NRDE2: variants seen among roughly 807,000 people sequenced by gnomAD.
The protein encoded by NRDE2 is nuclear exosome regulator NRDE2.
NRDE2 carries 76 observed loss-of-function variants against 124.2 expected under a neutral mutation model. The observed-to-expected ratio is 0.61, with a 90% CI of 0.51 to 0.74. The LOEUF is 0.74. NRDE2 is among the 30% of genes least tolerant of loss of function. The probability of loss-of-function intolerance (pLI) is 0.00; values close to 1 mark genes in which losing one functional copy is unlikely to be tolerated. For missense variants in NRDE2, 1,314 were observed against 1,417.3 expected (o/e 0.93, Z 1.17); for synonymous variants, 489 against 528.1 (o/e 0.93, Z 1.01).
rs146520246 is a variant in NRDE2 at position 90,284,404 on chromosome 14, A to G, written c.3297+1950T>C. On this transcript the variant is annotated intron_variant, in intron 12 of 13. Coordinates refer to ENST00000354366, the MANE Select transcript of NRDE2 (RefSeq NM_017970.4). ...CACTCTGTTAACCAGGCAGGAGTGC[A>G]GTGGTGCGATCTCAGCTCACTGCAA... is the stretch of plus-strand genomic sequence containing the variant. 6.6e-3 allele frequency among the ~76,000 whole-genome samples: 984 copies of G among 148,128 alleles called. 4 individuals are homozygous for G. Among genetic ancestry groups the G allele is most frequent in the African/African-American group, 0.024 (950 of 39,940 alleles).
chr14:90,329,835 CAAAAAAAAAAAA>C (rs1173430522), intron 1 of NRDE2, among the ~76,000 whole-genome samples: 1 of 56,146 alleles, frequency 1.8e-5, no homozygotes, highest in African/African-American at 6.6e-5. Flanking sequence ...GAGACTGCCT[CAAAAAAAAAAAA>C]AAAAAAAGTA....
chr14:90,327,641 C>T (rs1481787577), intron 1 of NRDE2, among the ~76,000 whole-genome samples: 1 of 151,940 alleles, frequency 6.6e-6, no homozygotes, highest in Non-Finnish European at 1.5e-5. Flanking sequence ...AAAAACTTCA[C>T]ACCTCACTGG....
chr14:90,296,394 G>A (rs1884148188), intron 8 of NRDE2, among the ~76,000 whole-genome samples: 1 of 152,034 alleles, frequency 6.6e-6, no homozygotes, highest in Non-Finnish European at 1.5e-5. Flanking sequence ...TTTTGGAAAA[G>A]AACACTCCAG....
intron 11 of NRDE2, among the ~76,000 whole-genome samples, chr14:90,287,122 G>C: frequency 7.2e-6 from 1 of 138,590 alleles, no homozygotes; most frequent in East Asian, 2.2e-4. Flanking sequence ...AGGAAGAAAA[G>C]ACCTTTTGAT....
At position 90,268,738 on chromosome 14, in the gene NRDE2, A is replaced by C. The variant is rs1021289632; in HGVS notation, c.*9598T>G. The C allele has an allele frequency of 8.5e-5, 20 of 235,498 alleles. No homozygotes were observed. The highest frequency in any genetic ancestry group is 8.2e-6 in the Non-Finnish European group (1 of 122,634). 14.6% of individuals were successfully genotyped at this position (235,498 alleles called of 1,614,324 possible). On this transcript the variant is annotated 3_prime_UTR_variant, in exon 14 of 14. Coordinates refer to ENST00000354366, the MANE Select transcript of NRDE2 (RefSeq NM_017970.4). ...CACAGGTTGTAGGGATCAGATACCA[A>C]ACATGGAAACAGAATAAATGATACA... is the stretch of plus-strand genomic sequence containing the variant.
intron 12 of NRDE2, among the ~76,000 whole-genome samples, chr14:90,284,289 T>C (rs911118002): frequency 2.0e-5 from 3 of 152,144 alleles, no homozygotes; most frequent in East Asian, 1.9e-4. Context: ...ATTTATCCTA[T>C]GGAAATCTTC....
In NRDE2 at chr14:90,302,999, G is replaced by C; in HGVS notation, c.1132C>G (p.Gln378Glu). The C allele has an allele frequency of 6.2e-7, 1 of 1,614,016 alleles. No individual in the cohort carries two copies. The highest frequency in any genetic ancestry group is 8.5e-7 in the Non-Finnish European group (1 of 1,180,042). The change falls in exon 6 of 14, where the codon CAG (glutamine) becomes GAG (glutamate). Residue 378 changes from glutamine (Q) to glutamate (E), a missense_variant. Transcript: ENST00000354366. The stretch of plus-strand genomic sequence containing the variant: ...GCCAGTTTCAGATCCACACTGCTCT[G>C]GTTGCTCTCAATGGCCCGCTCCAGA... ...AILERAIESNQSSVDLKLAKL... is the reference protein window; with the variant it reads ...AILERAIESNESSVDLKLAKL...
At position 90,270,025 on chromosome 14, in the gene NRDE2, A is replaced by G. The variant is rs577318653; in HGVS notation, c.*8311T>C. ...TTTTAAATGAAGAGAATTCAAATGT[A>G]GAAATCTACAAACTACAAAAATATA... On this transcript the variant is annotated 3_prime_UTR_variant, in exon 14 of 14. Coordinates refer to ENST00000354366, the MANE Select transcript of NRDE2 (RefSeq NM_017970.4). The G allele has an allele frequency of 1.3e-5, 8 of 639,904 alleles. No individual in the cohort carries two copies. In the Admixed American group the frequency reaches 2.3e-4, roughly 18 times the overall value. 39.6% of individuals were successfully genotyped at this position (639,904 alleles called of 1,614,324 possible).
intron 12 of NRDE2, chr14:90,280,197 CA>C (rs1437525538): frequency 2.0e-5 from 3 of 152,120 alleles, no homozygotes; most frequent in East Asian, 1.9e-4. Context: ...CCTCCCACCT[CA>C]GTCTCCCAAG....
chr14:90,301,445 C>G, intron 6 of NRDE2, 73 bp from the exon 7 acceptor site: 6 of 1,457,084 alleles, frequency 4.1e-6, no homozygotes, highest in Non-Finnish European at 5.7e-6. Context: ...CTTCTCAAAA[C>G]AGGCAATTAA....
intron 6 of NRDE2, 142 bp downstream of exon 6, chr14:90,302,578 C>T (rs1012405773): frequency 3.2e-5 from 30 of 935,602 alleles, no homozygotes; most frequent in Non-Finnish European, 4.3e-5. Flanking sequence ...CAAAAAGAGT[C>T]GTAATACTTT....
At position 90,268,145 on chromosome 14, in the gene NRDE2, G is replaced by C; in HGVS notation, c.*10191C>G. ...CCGCCTGTTTTTGGTGTCCATTTAA[G>C]GTGGTAATGATACGAGTTTTTAAGT... is the stretch of plus-strand genomic sequence containing the variant. On this transcript the variant is annotated 3_prime_UTR_variant, in exon 14 of 14. Coordinates refer to ENST00000354366, the MANE Select transcript of NRDE2 (RefSeq NM_017970.4). The C allele has an allele frequency of 3.3e-6, 4 of 1,212,224 alleles. No individual in the cohort carries two copies. The highest frequency in any genetic ancestry group is 4.5e-6 in the Non-Finnish European group (4 of 893,386). 75.1% of individuals were successfully genotyped at this position (1,212,224 alleles called of 1,614,324 possible). A position where few individuals can be genotyped will look rare whatever the true frequency, so the allele number is the denominator to read the frequency against.
At position 90,292,577 on chromosome 14, in the gene NRDE2, A is replaced by G. The variant is rs907063945; in HGVS notation, c.1842+120T>C. The stretch of plus-strand genomic sequence containing the variant: ...GAACAGGAGCAGGTTAGCATCTCCT[A>G]AGCTAGCCAACTGCTAAGAGAGCTC... On this transcript the variant is annotated intron_variant, in intron 9 of 13. Transcript: ENST00000354366. The G allele has an allele frequency of 2.8e-6, 3 of 1,081,566 alleles. No individual in the cohort carries two copies. The Admixed American group carries it at 6.9e-5, about 25-fold the overall frequency. 67.0% of individuals were successfully genotyped at this position (1,081,566 alleles called of 1,614,324 possible).
In NRDE2 at chr14:90,302,833, G is replaced by A. The variant is rs138912467; in HGVS notation, c.1298C>T (p.Ser433Leu). 8.9e-5 allele frequency: 143 copies of A among 1,614,016 alleles called. No homozygotes were observed. The highest frequency in any genetic ancestry group is 1.2e-4 in the Non-Finnish European group (136 of 1,180,050). ...ATAAAGACTGTGAATTTTTGATATC[G>A]AAAAGGTACTAAACTGGCTCTGGCA... ...LFCQSQFSTF[S>L]ISKIHSLYGK... is the part of the protein sequence containing the mutation. The change falls in exon 6 of 14, where the codon TCG becomes TTG. Residue 433 changes from serine (S) to leucine (L), a missense_variant. Transcript: ENST00000354366.
In NRDE2 at chr14:90,277,984, G is replaced by C; in HGVS notation, c.*352C>G. 1 of 185,298 alleles carries C rather than the reference G, an allele frequency of 5.4e-6. No homozygotes were observed. Among genetic ancestry groups the C allele is most frequent in the South Asian group, 1.1e-4 (1 of 8,714 alleles). 11.5% of individuals were successfully genotyped at this position (185,298 alleles called of 1,614,324 possible). On this transcript the variant is annotated 3_prime_UTR_variant, in exon 14 of 14. Coordinates refer to ENST00000354366, the MANE Select transcript of NRDE2 (RefSeq NM_017970.4). ...TGGCAGGACCACCACGACACCAGCG[G>C]AGGGAACACATTCACCGTGCGGGGG...
intron 11 of NRDE2, among the ~76,000 whole-genome samples, chr14:90,287,494 G>A (rs186058796): frequency 5.3e-5 from 8 of 152,214 alleles, no homozygotes; most frequent in Admixed American, 4.6e-4. Flanking sequence ...GCGTGGTGGT[G>A]CCTGTAGTCC....
intron 10 of NRDE2, among the ~76,000 whole-genome samples, 160 bp downstream of exon 10, chr14:90,290,061 C>T (rs1453665824): frequency 1.3e-5 from 2 of 152,184 alleles, no homozygotes; most frequent in Non-Finnish European, 2.9e-5. Context: ...ACTGCGGACC[C>T]TCAGAAGGGC....
At chr14:90,296,862 G>C (rs1297482338) in intron 8 of NRDE2, among the ~76,000 whole-genome samples, 6 of 151,990 alleles carry the variant, frequency 3.9e-5, no homozygotes, top group Admixed American at 3.9e-4. Flanking sequence ...GTCTGGGCTG[G>C]GTGCGGTGGC....
rs1892328880 is a variant in NRDE2 at position 90,293,413 on chromosome 14, G to A, written c.1667-541C>T. Among the ~76,000 whole-genome samples the A allele has an allele frequency of 2.0e-5, 3 of 152,248 alleles. No individual in the cohort carries two copies. In the South Asian group the frequency reaches 6.2e-4, roughly 32 times the overall value. On this transcript the variant is annotated intron_variant, in intron 8 of 13. Coordinates refer to ENST00000354366, the MANE Select transcript of NRDE2 (RefSeq NM_017970.4). ...TTACAGGTATGTGCCACCATGCCTG[G>A]CTAATTTTTTGTATTTGGTAGAGAT...
Sources: allele counts gnomAD v4.1 joint callset (sites outside exome capture counted in the v4.1 genomes callset), GRCh38; gene constraint gnomAD v4.1.1; transcripts MANE v1.5; gene names NCBI Gene and HGNC (gene_info 2026-07-23, HGNC 2026-07-21).